The following FAM228B variants were observed in gnomAD, a reference collection of about 807,000 sequenced individuals.
FAM228B encodes protein FAM228B.
A neutral mutation model predicts 42.6 loss-of-function variants in FAM228B; 38 were observed. The observed-to-expected ratio is 0.89, with a 90% CI of 0.69 to 1.17. The LOEUF is 1.17. FAM228B is among the 50% of genes most tolerant of loss of function. FAM228B has a pLI of 0.00. For missense variants in FAM228B, 344 were observed against 367.3 expected, an observed-to-expected ratio of 0.94 and a Z score of 0.52; for synonymous variants, 109 against 122.3, an observed-to-expected ratio of 0.89 and a Z score of 0.72.
chr2:24,081,404 T>G (rs911423210), intron 2 of FAM228B, among the ~76,000 whole-genome samples: 1 of 151,802 alleles, frequency 6.6e-6, no homozygotes, highest in East Asian at 1.9e-4. Context: ...CAACTACCAT[T>G]CCCATGGTCA....
chr2:24,144,534 CTG>C (rs1451996831), intron 5 of FAM228B, among the ~76,000 whole-genome samples: 1 of 152,172 alleles, frequency 6.6e-6, no homozygotes, highest in African/African-American at 2.4e-5. Flanking sequence ...AAGAGGAACA[CTG>C]GAATTCCACA....
At chr2:24,138,481 C>A (rs1378171069) in intron 4 of FAM228B, among the ~76,000 whole-genome samples, 15 of 151,938 alleles carry the variant, frequency 9.9e-5, no homozygotes, top group Non-Finnish European at 5.9e-5. Context: ...GAATTACAGG[C>A]ATGTGCCACC....
At position 24,106,734 on chromosome 2, in the gene FAM228B, AT is replaced by A. The variant is rs908779319; in HGVS notation, c.-121+11516del. ...TTTCCGACAAGCAAATGCTGAGGGGATTTTTTTTTTTCCACCAGATCTGCCT... is the reference window on the plus strand; with the variant it reads ...TTTCCGACAAGCAAATGCTGAGGGGATTTTTTTTTTCCACCAGATCTGCCT... On this transcript the variant is annotated intron_variant, in intron 3 of 10. Coordinates refer to the FAM228B transcript ENST00000613899. Among the ~76,000 whole-genome samples the A allele has an allele frequency of 2.0e-3, 290 of 147,790 alleles. 2 individuals carry two copies. Among genetic ancestry groups the A allele is most frequent in the Middle Eastern group, 3.6e-3 (1 of 278 alleles).
At chr2:24,166,053 AAAT>A (rs1158933830) in intron 9 of FAM228B, 6 of 104,752 alleles carry the variant, frequency 5.7e-5, no homozygotes, top group Admixed American at 1.1e-4. Flanking sequence ...AAAAAAAAAA[AAAT>A]ATATATATAT....
Position 24,145,560 on chromosome 2 carries a change from C to T in FAM228B, c.442-1188C>T, listed in dbSNP as rs145827637. ...GATGTCAATGTAAGGACACAAGAAA[C>T]GTGAAAAAGCAAGGCTCTGACACCT... On this transcript the variant is annotated intron_variant, in intron 5 of 10. Coordinates refer to ENST00000615575, the MANE Select transcript of FAM228B (RefSeq NM_001145710.2). Among the ~76,000 whole-genome samples the T allele has an allele frequency of 8.7e-3, 1,322 of 152,268 alleles. 5 individuals are homozygous for T. Among genetic ancestry groups the T allele is most frequent in the Non-Finnish European group, 0.013 (874 of 68,022 alleles).
At chr2:24,108,213 C>G (rs1179029784) in intron 3 of FAM228B, among the ~76,000 whole-genome samples, 3 of 152,110 alleles carry the variant, frequency 2.0e-5, no homozygotes, top group African/African-American at 7.2e-5. Flanking sequence ...CTTCCTAAGA[C>G]TGAACCAGGA....
intron 3 of FAM228B, chr2:24,115,262 C>T (rs547538209): frequency 7.0e-4 from 195 of 278,892 alleles, no homozygotes; most frequent in Non-Finnish European, 1.2e-3. Context: ...GTGGTGAGAG[C>T]CTTGCATTCT....
At chr2:24,134,767 A>T (rs1333818156) in intron 2 of FAM228B, among the ~76,000 whole-genome samples, 1 of 152,208 alleles carries the variant, frequency 6.6e-6, no homozygotes. Context: ...CGAGGCCAAC[A>T]TGGCAAAACC....
At chr2:24,079,481 C>A (rs747167542) in intron 1 of FAM228B, 36 of 1,614,082 alleles carry the variant, frequency 2.2e-5, no homozygotes, top group Non-Finnish European at 2.9e-5. Context: ...GGTGATCAGA[C>A]TTCCTCGCTT....
At chr2:24,119,647 C>A (rs1298397885), upstream of FAM228B, 5 of 1,613,512 alleles carry the variant, frequency 3.1e-6, no homozygotes, top group Non-Finnish European at 4.2e-6. Context: ...CCAGAAGATA[C>A]AGATGGGTCT....
intron 2 of FAM228B, among the ~76,000 whole-genome samples, chr2:24,094,491 T>TC (rs1665455978): frequency 6.6e-6 from 1 of 152,134 alleles, no homozygotes. Context: ...ACAGGCTTTT[T>TC]CCCCCTCCCG....
At chr2:24,162,427 G>A (rs1357452402) in intron 8 of FAM228B, among the ~76,000 whole-genome samples, 4 of 152,186 alleles carry the variant, frequency 2.6e-5, no homozygotes, top group Non-Finnish European at 5.9e-5. Flanking sequence ...TATGTATCTT[G>A]TGACTATCTG....
In FAM228B at chr2:24,084,345, G is replaced by GCAGGGCAGGGCAGGA. The variant is rs1665159734; in HGVS notation, c.-210+3395_-210+3409dup. ...CTAACATATTGTCTGAGGACACAGGGCAGGGCAGGGCAGGACAGGACAGGG... is the reference window on the plus strand; with the variant it reads ...CTAACATATTGTCTGAGGACACAGGGCAGGGCAGGGCAGGACAGGGCAGGGCAGGACAGGACAGGG... On this transcript the variant is annotated intron_variant, in intron 2 of 10. Transcript: ENST00000613899. This position sits in a 1 kb window ranked among gnomAD's most constrained non-coding sequence, Gnocchi z 8.4. 7.1e-7 allele frequency: 1 copy of GCAGGGCAGGGCAGGA among 1,406,778 alleles called. No individual in the cohort carries two copies. The highest frequency in any genetic ancestry group is 1.4e-5 in the African/African-American group (1 of 69,622). The allele number at this position is 1,406,778 out of a possible 1,614,324, so 87.1% of individuals were successfully genotyped here.
intron 3 of FAM228B, among the ~76,000 whole-genome samples, chr2:24,117,247 G>C (rs778647118): frequency 6.6e-6 from 1 of 151,844 alleles, no homozygotes; most frequent in African/African-American, 2.4e-5. Flanking sequence ...AACTCCTGTC[G>C]TCAAATGATC....
intron 2 of FAM228B, chr2:24,083,153 C>G: frequency 2.5e-6 from 4 of 1,601,328 alleles, no homozygotes; most frequent in Non-Finnish European, 3.4e-6. Context: ...GGCCTTGTCT[C>G]TGCAGAGAAA....
intron 2 of FAM228B, among the ~76,000 whole-genome samples, chr2:24,133,918 G>A (rs1666516457): frequency 6.6e-6 from 1 of 151,982 alleles, no homozygotes; most frequent in Non-Finnish European, 1.5e-5. Context: ...TCCAAAATAA[G>A]TACATTAAAA....
chr2:24,079,276 C>G lies in FAM228B; in HGVS notation c.-289-1600C>G, dbSNP rs1236662080. ...GATACTGAAGCTTCTATCAACCAAT[C>G]TGAATCAGTTCTCTGAAATCGGGTT... On this transcript the variant is annotated intron_variant, in intron 1 of 10. Transcript: ENST00000613899. 5 of 653,514 alleles carry G rather than the reference C, an allele frequency of 7.7e-6. No individual in the cohort carries two copies. The African/African-American group carries it at 9.1e-5, about 12-fold the overall frequency. The allele number at this position is 653,514 out of a possible 1,614,324, so 40.5% of individuals were successfully genotyped here. A position where few individuals can be genotyped will look rare whatever the true frequency, so the allele number is the denominator to read the frequency against.
intron 3 of FAM228B, chr2:24,115,705 A>G: frequency 1.5e-6 from 2 of 1,377,098 alleles, no homozygotes; most frequent in Non-Finnish European, 2.1e-6. Context: ...AAACATTGCC[A>G]GGTGACTGCC....
intron 3 of FAM228B, among the ~76,000 whole-genome samples, chr2:24,135,980 T>TG (rs1306057401): frequency 1.3e-5 from 2 of 151,048 alleles, no homozygotes; most frequent in African/African-American, 4.9e-5. Context: ...TGAAGGGTTT[T>TG]TTTTTTTTTT....
Sources: gnomAD v4.1 joint callset for allele counts (sites outside exome capture counted in the v4.1 genomes callset) on GRCh38, gnomAD v4.1.1 for gene constraint, Gnocchi (gnomAD v3.1) non-coding constraint, MANE v1.5 for transcripts, NCBI Gene and HGNC (gene_info 2026-07-23, HGNC 2026-07-21) for gene names.